The following STX11 variants were observed in gnomAD, a reference collection of about 807,000 sequenced individuals.
The protein encoded by STX11 is syntaxin-11.
Under a neutral mutation model 19.9 loss-of-function variants are expected in STX11, and 21 were observed. The ratio of observed to expected loss-of-function variants is 1.06; its 90% CI spans 0.75 to 1.52. The LOEUF is 1.52. STX11 is among the 40% of genes most tolerant of loss of function. The pLI, the probability that STX11 is intolerant of heterozygous loss-of-function variation, is 0.00. For synonymous variants in STX11, 193 were observed against 174.4 expected (o/e 1.11, Z -0.84); for missense variants, 438 against 405.9 (o/e 1.08, Z -0.68).
At chr6:144,140,214 ATAT>A in the STX11 span, among the ~76,000 whole-genome samples, 749 of 85,130 alleles carry the variant, frequency 8.8e-3, 9 homozygotes, top group East Asian at 0.045. Flanking sequence ...ATTCACATAT[ATAT>A]ATATATATAT....
chr6:144,171,165 C>T (rs1046411938), intron 1 of STX11, among the ~76,000 whole-genome samples: 1 of 152,158 alleles, frequency 6.6e-6, no homozygotes, highest in Non-Finnish European at 1.5e-5. Context: ...CACATAATTC[C>T]CCAGGCTTGA....
chr6:144,156,407 A>C (rs933295359), intron 1 of STX11, among the ~76,000 whole-genome samples: 5 of 152,186 alleles, frequency 3.3e-5, no homozygotes, highest in Non-Finnish European at 7.3e-5. Flanking sequence ...AATAATCCAG[A>C]AAATACTAAG....
In STX11 at chr6:144,170,279, A is replaced by G; in HGVS notation, c.-5-16344A>G. On this transcript the variant is annotated intron_variant, in intron 1 of 1. Transcript: ENST00000367568. The surrounding 1 kb of genome is among the most constrained non-coding windows in gnomAD (Gnocchi z 4.7). ...TGAAGTTCTTGGTGCTATGTGGAGC[A>G]TGGTGGAGAATCTGCTATTGGTGCA... 6.6e-6 allele frequency among the ~76,000 whole-genome samples: 1 copy of G among 152,216 alleles called. No individual in the cohort carries two copies. The highest frequency in any genetic ancestry group is 2.1e-4 in the South Asian group (1 of 4,832).
chr6:144,157,685 AG>A (rs1801209042), intron 1 of STX11, among the ~76,000 whole-genome samples: 3 of 152,160 alleles, frequency 2.0e-5, no homozygotes, highest in Non-Finnish European at 4.4e-5. Flanking sequence ...TGGTGAGGGC[AG>A]TAGTGGTGTT....
intron 1 of STX11, among the ~76,000 whole-genome samples, chr6:144,164,099 A>T (rs1226893463): frequency 6.6e-6 from 1 of 152,214 alleles, no homozygotes. Flanking sequence ...TACTCAATAA[A>T]TACTTGTTGA....
In STX11 at chr6:144,165,611, G is replaced by A. The variant is rs948060883; in HGVS notation, c.-6+14908G>A. ...TTAATATGCTGTAACTTGAGTTATA[G>A]GAGTAATATAAAAACTAATAATAGA... On this transcript the variant is annotated intron_variant, in intron 1 of 1. Transcript: ENST00000367568. The surrounding 1 kb of genome is among the most constrained non-coding windows in gnomAD (Gnocchi z 5.8). Among the ~76,000 whole-genome samples the A allele has an allele frequency of 6.6e-6, 1 of 152,170 alleles. No individual in the cohort carries two copies. The highest frequency in any genetic ancestry group is 6.5e-5 in the Admixed American group (1 of 15,268).
upstream of STX11, among the ~76,000 whole-genome samples, chr6:144,146,708 C>A (rs989440860): frequency 3.3e-5 from 5 of 152,270 alleles, no homozygotes; most frequent in Admixed American, 1.3e-4. This position sits in a 1 kb window ranked among gnomAD's most constrained non-coding sequence, Gnocchi z 4.4. Context: ...AGGCATGCAC[C>A]ACCGCACCCG....
In STX11 at chr6:144,172,611, T is replaced by C. The variant is rs1003280189; in HGVS notation, c.-5-14012T>C. Among the ~76,000 whole-genome samples, 1 of 152,202 alleles carries C rather than the reference T, an allele frequency of 6.6e-6. No individual in the cohort carries two copies. Among genetic ancestry groups the C allele is most frequent in the African/African-American group, 2.4e-5 (1 of 41,444 alleles). On this transcript the variant is annotated intron_variant, in intron 1 of 1. Transcript: ENST00000367568. The surrounding 1 kb of genome is among the most constrained non-coding windows in gnomAD (Gnocchi z 4.2). ...GTTGTAATCAAGTATAGTCTGTCTC[T>C]GACAAAAATTATTCACATTTCTTTT...
At chr6:144,140,399 C>T in the STX11 span, among the ~76,000 whole-genome samples, 4 of 151,346 alleles carry the variant, frequency 2.6e-5, no homozygotes, top group Non-Finnish European at 5.9e-5. Context: ...GGACTACAGG[C>T]GCACGCCACC....
upstream of STX11, among the ~76,000 whole-genome samples, chr6:144,146,535 C>G (rs1399259639): frequency 1.3e-5 from 2 of 152,172 alleles, no homozygotes; most frequent in African/African-American, 4.8e-5. The surrounding 1 kb of genome is among the most constrained non-coding windows in gnomAD (Gnocchi z 4.4). Flanking sequence ...TGGTCTTGAA[C>G]TGCCAACCTC....
At chr6:144,179,454 T>G (rs923117525) in intron 1 of STX11, among the ~76,000 whole-genome samples, 5 of 152,192 alleles carry the variant, frequency 3.3e-5, no homozygotes, top group Admixed American at 3.3e-4. Context: ...TTGTTGTTCT[T>G]TAAGGGCTGT....
At position 144,150,537 on chromosome 6, in the gene STX11, G is replaced by T. The variant is rs1800972600; in HGVS notation, c.-172G>T. 1.0e-6 allele frequency: 1 copy of T among 985,238 alleles called. No individual in the cohort carries two copies. Among genetic ancestry groups the T allele is most frequent in the African/African-American group, 1.7e-5 (1 of 57,204 alleles). 61.0% of individuals were successfully genotyped at this position (985,238 alleles called of 1,614,324 possible). On this transcript the variant is annotated 5_prime_UTR_variant, in exon 1 of 2. The change creates a premature stop within an existing upstream ORF in the 5' untranslated region. Coordinates refer to ENST00000367568, the MANE Select transcript of STX11 (RefSeq NM_003764.4). Reference sequence around the variant, plus strand: ...CGCCCAGATGCGGCCGCGGCGGCGCGGAGCTCGGGCGGCCGTGGAGGAACT... The same window carrying T: ...CGCCCAGATGCGGCCGCGGCGGCGCTGAGCTCGGGCGGCCGTGGAGGAACT...
Position 144,178,352 on chromosome 6 carries a change from A to G in STX11, c.-5-8271A>G, listed in dbSNP as rs74746133. Among the ~76,000 whole-genome samples the G allele has an allele frequency of 4.7e-3, 717 of 152,340 alleles. 26 individuals carry two copies. The East Asian group carries it at 0.081, about 17-fold the overall frequency. On this transcript the variant is annotated intron_variant, in intron 1 of 1. Transcript: ENST00000367568. ...CTGAGTACCGCATTTGGCATTTTAC[A>G]AATGCTTAATAAATGTTCACTGTAG...
rs1316911446 is a variant in STX11, at chr6:144,156,011, TTTCTCTCTTTCTC to T, written c.-6+5310_-6+5322del. Among the ~76,000 whole-genome samples, 236 of 113,918 alleles carry T rather than the reference TTTCTCTCTTTCTC, an allele frequency of 2.1e-3. 10 individuals are homozygous for T. In the East Asian group the frequency reaches 0.027, roughly 13 times the overall value. The allele number at this position is 113,918 out of a possible 152,430, so 74.7% of individuals were successfully genotyped here. ...CTTTCTTTCTTTCTTTCTTTCTTTCTTTCTCTCTTTCTCTCCTTCCTTCCTTCCTTCCTTCCTT... is the reference window on the plus strand; with the variant it reads ...CTTTCTTTCTTTCTTTCTTTCTTTCTTCCTTCCTTCCTTCCTTCCTTCCTT... On this transcript the variant is annotated intron_variant, in intron 1 of 1. Transcript: ENST00000367568.
At chr6:144,141,447 G>A in the STX11 span, among the ~76,000 whole-genome samples, 9 of 152,250 alleles carry the variant, frequency 5.9e-5, no homozygotes, top group South Asian at 2.1e-4. Flanking sequence ...TTCGCCACAT[G>A]TTTTCTACCC....
intron 1 of STX11, among the ~76,000 whole-genome samples, chr6:144,161,516 C>T (rs1801340779): frequency 1.3e-5 from 2 of 152,078 alleles, no homozygotes; most frequent in African/African-American, 4.8e-5. Flanking sequence ...TACAGGCGCC[C>T]GCCACCACGT....
Position 144,151,259 on chromosome 6 carries a change from A to G in STX11, c.-6+556A>G. ...AGAAACATGGAGAGAAGTAGTGGCA[A>G]TGCCTGCGAGAGCCACGCCGTCCTG... On this transcript the variant is annotated intron_variant, in intron 1 of 1. Coordinates refer to ENST00000367568, the MANE Select transcript of STX11 (RefSeq NM_003764.4). This position sits in a 1 kb window ranked among gnomAD's most constrained non-coding sequence, Gnocchi z 4.6. 1 of 985,394 alleles carries G rather than the reference A, an allele frequency of 1.0e-6. No homozygotes were observed. The highest frequency in any genetic ancestry group is 1.2e-6 in the Non-Finnish European group (1 of 829,918). 61.0% of individuals were successfully genotyped at this position (985,394 alleles called of 1,614,324 possible).
chr6:144,140,636 C>T, the STX11 span: 1 of 500,164 alleles, frequency 2.0e-6, no homozygotes, highest in South Asian at 8.6e-5. Context: ...TGGAAGGTTG[C>T]TAGCAGGCTG....
rs1200831603 is a variant in STX11 at position 144,172,126 on chromosome 6, C to G, written c.-5-14497C>G. 6.6e-6 allele frequency among the ~76,000 whole-genome samples: 1 copy of G among 152,170 alleles called. No homozygotes were observed. Among genetic ancestry groups the G allele is most frequent in the South Asian group, 2.1e-4 (1 of 4,824 alleles). On this transcript the variant is annotated intron_variant, in intron 1 of 1. Coordinates refer to ENST00000367568, the MANE Select transcript of STX11 (RefSeq NM_003764.4). This position sits in a 1 kb window ranked among gnomAD's most constrained non-coding sequence, Gnocchi z 4.2. ...ACACCTTAAGGAGCATGGAGAAACC[C>G]AAGGAGAGGTGTATCAGGTAGCTTT... is the stretch of plus-strand genomic sequence containing the variant.
Sources: gnomAD v4.1 joint callset for allele counts (sites outside exome capture counted in the v4.1 genomes callset) on GRCh38, gnomAD v4.1.1 for gene constraint, Gnocchi (gnomAD v3.1) non-coding constraint, MANE v1.5 for transcripts, NCBI Gene and HGNC (gene_info 2026-07-23, HGNC 2026-07-21) for gene names.